The following FGF14 variants were observed in gnomAD, a reference collection of about 807,000 sequenced individuals.
The protein encoded by FGF14 is fibroblast growth factor 14, also known as fibroblast growth factor homologous factor 4.
FGF14 carries 5 observed loss-of-function variants against 25.5 expected under a neutral mutation model. That is an observed-to-expected ratio of 0.20 (90% confidence interval 0.10 to 0.41). FGF14 has a LOEUF of 0.41. Ranked by LOEUF, FGF14 falls within the 10% of genes least tolerant of loss-of-function variation. The pLI is 1.00. For synonymous variants in FGF14, 138 were observed against 118.3 expected (o/e 1.17, Z -1.08); for missense variants, 222 against 320.1 (o/e 0.69, Z 2.34).
At chr13:101,998,531 T>C (rs2039310473) in intron 1 of FGF14, among the ~76,000 whole-genome samples, 1 of 152,122 alleles carries the variant, frequency 6.6e-6, no homozygotes, top group African/African-American at 2.4e-5. Context: ...GAAAATTGTA[T>C]TAGGTTCAAA....
At chr13:102,319,693 G>A (rs978367541) in intron 1 of FGF14, among the ~76,000 whole-genome samples, 5 of 152,312 alleles carry the variant, frequency 3.3e-5, no homozygotes, top group African/African-American at 7.2e-5. Context: ...CCAAATGACC[G>A]GTTGCTTGTG....
chr13:101,982,985 T>C (rs1451290272), intron 1 of FGF14, among the ~76,000 whole-genome samples: 1 of 152,186 alleles, frequency 6.6e-6, no homozygotes, highest in Non-Finnish European at 1.5e-5. Flanking sequence ...AGGGATGAAC[T>C]TTCTACTTAG....
At chr13:102,234,883 T>C (rs944030668) in intron 1 of FGF14, among the ~76,000 whole-genome samples, 3 of 152,174 alleles carry the variant, frequency 2.0e-5, no homozygotes, top group Admixed American at 6.6e-5. Flanking sequence ...GAAAAGACTG[T>C]ATGGATGAGT....
intron 1 of FGF14, among the ~76,000 whole-genome samples, chr13:101,896,248 T>C (rs2030648082): frequency 6.6e-6 from 1 of 152,128 alleles, no homozygotes; most frequent in South Asian, 2.1e-4. Context: ...TATCTTGCCT[T>C]TTTCTTGCCC....
At chr13:102,057,918 A>C (rs1220108013) in intron 1 of FGF14, among the ~76,000 whole-genome samples, 1 of 152,216 alleles carries the variant, frequency 6.6e-6, no homozygotes, top group East Asian at 1.9e-4. Flanking sequence ...ATCACTAAGC[A>C]TACTTTGTTG....
intron 1 of FGF14, among the ~76,000 whole-genome samples, chr13:102,318,052 T>C (rs2056100965): frequency 6.6e-6 from 1 of 152,214 alleles, no homozygotes. Context: ...GTTACCATCA[T>C]GTCTGAAAAA....
At chr13:102,288,064 T>C (rs2054194251) in intron 1 of FGF14, among the ~76,000 whole-genome samples, 1 of 152,234 alleles carries the variant, frequency 6.6e-6, no homozygotes, top group Non-Finnish European at 1.5e-5. Context: ...AGTCTAAAAA[T>C]TCAAAGGCTC....
chr13:101,884,223 G>A (rs1255535021), intron 1 of FGF14, among the ~76,000 whole-genome samples: 1 of 152,028 alleles, frequency 6.6e-6, no homozygotes, highest in East Asian at 1.9e-4. Context: ...TGTGCTCTAG[G>A]TGGACATCCC....
chr13:102,383,857 G>T (rs145340550), intron 1 of FGF14, among the ~76,000 whole-genome samples: 1 of 151,844 alleles, frequency 6.6e-6, no homozygotes, highest in Non-Finnish European at 1.5e-5. Context: ...AGGAAGGGTT[G>T]GGTGTGAAAT....
intron 1 of FGF14, among the ~76,000 whole-genome samples, chr13:101,885,714 A>C (rs528744990): frequency 6.6e-6 from 1 of 152,072 alleles, no homozygotes; most frequent in South Asian, 2.1e-4. Flanking sequence ...AAAAAAAAAA[A>C]AAACTGCAGG....
chr13:101,923,545 G>C (rs1480432262), intron 1 of FGF14, among the ~76,000 whole-genome samples: 1 of 152,004 alleles, frequency 6.6e-6, no homozygotes, highest in Non-Finnish European at 1.5e-5. Flanking sequence ...AAGACTGACT[G>C]CTTATCCGCT....
intron 1 of FGF14, among the ~76,000 whole-genome samples, chr13:102,013,401 T>C (rs1023345057): frequency 6.6e-6 from 1 of 152,196 alleles, no homozygotes. Context: ...ACTGATTGCA[T>C]GTATTACAGT....
intron 1 of FGF14, among the ~76,000 whole-genome samples, chr13:101,967,434 C>T (rs553794441): frequency 6.6e-6 from 1 of 152,278 alleles, no homozygotes; most frequent in East Asian, 1.9e-4. Flanking sequence ...TCAGTTTCTG[C>T]AGTATAAACA....
chr13:101,951,317 G>A (rs1453322616), intron 1 of FGF14, among the ~76,000 whole-genome samples: 1 of 152,114 alleles, frequency 6.6e-6, no homozygotes, highest in Non-Finnish European at 1.5e-5. Flanking sequence ...AAGTTCAGAG[G>A]TTTTACCAGT....
At chr13:101,729,279 T>C (rs1168135781) in intron 3 of FGF14, among the ~76,000 whole-genome samples, 2 of 152,180 alleles carry the variant, frequency 1.3e-5, no homozygotes, top group South Asian at 2.1e-4. Context: ...CATTCAAAGA[T>C]GTTATTGTCT....
At chr13:102,169,562 G>A (rs1434461592) in intron 1 of FGF14, among the ~76,000 whole-genome samples, 2 of 152,112 alleles carry the variant, frequency 1.3e-5, no homozygotes, top group Non-Finnish European at 2.9e-5. Context: ...AAGCCACTCT[G>A]CAAGGAAAAA....
intron 1 of FGF14, among the ~76,000 whole-genome samples, chr13:102,169,096 T>C (rs1459930112): frequency 6.6e-6 from 1 of 151,322 alleles, no homozygotes; most frequent in East Asian, 1.9e-4. Context: ...TACCTTAGGA[T>C]ATATGAAGCT....
At chr13:101,888,781 C>T (rs1816951995) in intron 1 of FGF14, among the ~76,000 whole-genome samples, 1 of 152,138 alleles carries the variant, frequency 6.6e-6, no homozygotes, top group African/African-American at 2.4e-5. Context: ...TAGAGCACAA[C>T]AAAACACTTC....
intron 1 of FGF14, among the ~76,000 whole-genome samples, chr13:102,312,283 A>G (rs1057022579): frequency 1.3e-5 from 2 of 152,012 alleles, no homozygotes; most frequent in East Asian, 3.9e-4. Context: ...GAAAAAAAAA[A>G]CTTAAGTGGG....
Sources: gnomAD v4.1 joint callset for allele counts (sites outside exome capture counted in the v4.1 genomes callset) on GRCh38, gnomAD v4.1.1 for gene constraint, MANE v1.5 for transcripts, NCBI Gene and HGNC (gene_info 2026-07-23, HGNC 2026-07-21) for gene names.